The following DSCAM variants were observed in gnomAD, a reference collection of about 807,000 sequenced individuals.
DSCAM encodes DS cell adhesion molecule.
DSCAM carries 47 observed loss-of-function variants against 217.7 expected under a neutral mutation model. That is an observed-to-expected ratio of 0.22 (90% confidence interval 0.17 to 0.28). DSCAM has a LOEUF of 0.28. Among genes scored for constraint, DSCAM ranks in the 10% least tolerant of loss-of-function variants. DSCAM has a pLI of 1.00. For synonymous variants in DSCAM, 1,056 were observed against 1,015.3 expected, an observed-to-expected ratio of 1.04 and a Z score of -0.76; for missense variants, 2,080 against 2,618.3, an observed-to-expected ratio of 0.79 and a Z score of 4.49.
At chr21:40,798,344 C>T (rs1417144268) in intron 1 of DSCAM, among the ~76,000 whole-genome samples, 1 of 151,774 alleles carries the variant, frequency 6.6e-6, no homozygotes, top group Non-Finnish European at 1.5e-5. Context: ...AATGAAAATG[C>T]CAAGTAGTTT....
chr21:40,246,405 G>A (rs1326287326), intron 11 of DSCAM, among the ~76,000 whole-genome samples: 1 of 146,884 alleles, frequency 6.8e-6, no homozygotes, highest in Non-Finnish European at 1.5e-5. Context: ...GCTAGGTGTG[G>A]TGGTGCATGC....
chr21:40,434,308 G>A (rs532587044), intron 3 of DSCAM, among the ~76,000 whole-genome samples: 1 of 152,348 alleles, frequency 6.6e-6, no homozygotes, highest in South Asian at 2.1e-4. Context: ...GTGTGCTCAT[G>A]CCAACACGGA....
intron 1 of DSCAM, among the ~76,000 whole-genome samples, chr21:40,798,539 A>G (rs2091711514): frequency 6.6e-6 from 1 of 152,264 alleles, no homozygotes; most frequent in East Asian, 1.9e-4. Context: ...AAAGCACATG[A>G]ATTGGCAATA....
chr21:40,545,735 C>G (rs1249887506), intron 3 of DSCAM, among the ~76,000 whole-genome samples: 1 of 152,218 alleles, frequency 6.6e-6, no homozygotes, highest in African/African-American at 2.4e-5. Context: ...AATGGTCTGG[C>G]TATGGCTCCG....
chr21:40,516,875 C>T lies in DSCAM; in HGVS notation c.509-147630G>A, dbSNP rs573749081. Among the ~76,000 whole-genome samples, 57 of 143,916 alleles carry T rather than the reference C, an allele frequency of 4.0e-4. 1 individual carries two copies. Among genetic ancestry groups the T allele is most frequent in the African/African-American group, 1.4e-3 (51 of 37,526 alleles). The allele number at this position is 143,916 out of a possible 152,430, so 94.4% of individuals were successfully genotyped here. On this transcript the variant is annotated intron_variant, in intron 3 of 32. Coordinates refer to ENST00000400454, the MANE Select transcript of DSCAM (RefSeq NM_001389.5). The stretch of plus-strand genomic sequence containing the variant: ...TAGCAAATCCGGATACACACACATG[C>T]GCACACACACACCATATATATATAT...
intron 3 of DSCAM, among the ~76,000 whole-genome samples, chr21:40,402,128 C>T (rs148054481): frequency 0.012 from 1,636 of 138,714 alleles, 49 homozygotes; most frequent in African/African-American, 0.043. Flanking sequence ...GGTGCCACCT[C>T]GGCTCACTGC....
intron 11 of DSCAM, among the ~76,000 whole-genome samples, chr21:40,215,328 CACA>C (rs1363425754): frequency 7.1e-6 from 1 of 141,082 alleles, no homozygotes; most frequent in Non-Finnish European, 1.5e-5. Context: ...GTGGTTCATA[CACA>C]ACTTACCCAT....
chr21:40,263,561 C>T (rs2073482527), intron 11 of DSCAM, among the ~76,000 whole-genome samples: 1 of 152,006 alleles, frequency 6.6e-6, no homozygotes, highest in African/African-American at 2.4e-5. Flanking sequence ...ACAGCAAAAG[C>T]ATTGCTAAGA....
At chr21:40,123,871 T>C (rs1260394985) in intron 20 of DSCAM, among the ~76,000 whole-genome samples, 2 of 152,080 alleles carry the variant, frequency 1.3e-5, no homozygotes, top group Non-Finnish European at 2.9e-5. Flanking sequence ...GTAAAATCAA[T>C]AGGTGTTGTC....
chr21:40,244,188 C>T (rs917347482), intron 11 of DSCAM, among the ~76,000 whole-genome samples: 5 of 152,154 alleles, frequency 3.3e-5, no homozygotes, highest in East Asian at 1.9e-4. Context: ...GAGTGGTTCA[C>T]GCCTGTAATC....
At chr21:40,445,133 G>C (rs1180304607) in intron 3 of DSCAM, among the ~76,000 whole-genome samples, 1 of 152,172 alleles carries the variant, frequency 6.6e-6, no homozygotes, top group Non-Finnish European at 1.5e-5. Context: ...TTCAACATCT[G>C]TTATGAGAGC....
At chr21:40,664,618 A>T (rs1354204849) in intron 3 of DSCAM, among the ~76,000 whole-genome samples, 1 of 152,210 alleles carries the variant, frequency 6.6e-6, no homozygotes, top group Non-Finnish European at 1.5e-5. Flanking sequence ...CATGTTAGGG[A>T]AATTTGGCCA....
chr21:40,392,123 A>C (rs1183880112), intron 3 of DSCAM, among the ~76,000 whole-genome samples: 1 of 152,152 alleles, frequency 6.6e-6, no homozygotes, highest in Non-Finnish European at 1.5e-5. Context: ...GGCATCCAAC[A>C]CACATCTTAA....
chr21:40,623,989 G>T (rs1034556323), intron 3 of DSCAM, among the ~76,000 whole-genome samples: 9 of 152,188 alleles, frequency 5.9e-5, no homozygotes, highest in African/African-American at 2.2e-4. Flanking sequence ...TCACTCAGAA[G>T]GTTGGTTTGT....
chr21:40,302,014 C>G (rs530016664), intron 9 of DSCAM, among the ~76,000 whole-genome samples: 1 of 152,254 alleles, frequency 6.6e-6, no homozygotes, highest in Non-Finnish European at 1.5e-5. Context: ...AAACTTATGA[C>G]AGAACAAAAA....
intron 11 of DSCAM, among the ~76,000 whole-genome samples, chr21:40,209,584 T>A (rs772757716): frequency 1.3e-5 from 2 of 152,100 alleles, no homozygotes; most frequent in Non-Finnish European, 2.9e-5. Flanking sequence ...ACAATCAACA[T>A]GAGACAGATG....
At chr21:40,718,850 G>A (rs13048841) in intron 1 of DSCAM, among the ~76,000 whole-genome samples, 3,772 of 152,276 alleles carry the variant, frequency 0.025, 62 homozygotes, top group Non-Finnish European at 0.034. Context: ...AAAGTGCTGG[G>A]TGCAGTAGCT....
At chr21:40,029,458 G>T (rs1319343011) in intron 32 of DSCAM, among the ~76,000 whole-genome samples, 2 of 150,904 alleles carry the variant, frequency 1.3e-5, no homozygotes, top group Non-Finnish European at 2.9e-5. Flanking sequence ...AAAGGCCACT[G>T]CCTGGTGCCA....
Position 40,080,005 on chromosome 21 carries a change from T to C in DSCAM, c.4420+147A>G, listed in dbSNP as rs990462358. ...CTGGAAGGTCCAGCTGTCCCTCTCA[T>C]TATGCCGTGGCACTGCTGAAGCCAT... On this transcript the variant is annotated intron_variant, in intron 25 of 32. Transcript: ENST00000400454. 1.2e-5 allele frequency: 8 copies of C among 685,988 alleles called. No homozygotes were observed. The African/African-American group carries it at 1.5e-4, about 12-fold the overall frequency. The allele number at this position is 685,988 out of a possible 1,614,324, so 42.5% of individuals were successfully genotyped here.
Sources: gnomAD v4.1 joint callset for allele counts (sites outside exome capture counted in the v4.1 genomes callset) on GRCh38, gnomAD v4.1.1 for gene constraint, MANE v1.5 for transcripts, NCBI Gene and HGNC (gene_info 2026-07-23, HGNC 2026-07-21) for gene names.